The following RRP1B variants were observed in gnomAD, a reference collection of about 807,000 sequenced individuals.
RRP1B encodes the protein ribosomal RNA processing protein 1 homolog B.
Under a neutral mutation model 80.2 loss-of-function variants are expected in RRP1B, and 56 were observed. That is an observed-to-expected ratio of 0.70 (90% CI 0.56 to 0.87). The LOEUF is 0.87. Among genes scored for constraint, RRP1B ranks in the 40% least tolerant of loss-of-function variants. The pLI, the probability that RRP1B is intolerant of heterozygous loss-of-function variation, is 0.00. For synonymous variants in RRP1B, 351 were observed against 357.6 expected (o/e 0.98, Z 0.21); for missense variants, 807 against 939.8 (o/e 0.86, Z 1.85).
chr21:43,662,305 T>A (rs2082960856), intron 1 of RRP1B, among the ~76,000 whole-genome samples: 1 of 152,242 alleles, frequency 6.6e-6, no homozygotes, highest in African/African-American at 2.4e-5. Flanking sequence ...CAGAGTGACT[T>A]GTCTTGTATA....
intron 3 of RRP1B, 144 bp from the exon 4 acceptor site, chr21:43,673,726 A>T (rs965795605): frequency 4.6e-5 from 26 of 560,014 alleles, no homozygotes; most frequent in Non-Finnish European, 6.7e-5. Flanking sequence ...ATATTTAATT[A>T]TCAACAGATT....
chr21:43,660,221 A>C (rs546577104), intron 1 of RRP1B, among the ~76,000 whole-genome samples: 89 of 152,348 alleles, frequency 5.8e-4, no homozygotes, highest in Non-Finnish European at 1.1e-3. Context: ...GCAAGGAGGC[A>C]AACAGGCAAA....
Position 43,664,461 on chromosome 21 carries a change from G to A in RRP1B, c.130+4667G>A, listed in dbSNP as rs552208297. Among the ~76,000 whole-genome samples, 180 of 152,256 alleles carry A rather than the reference G, an allele frequency of 1.2e-3. 1 individual carries two copies. The highest frequency in any genetic ancestry group is 4.1e-3 in the African/African-American group (172 of 41,558). On this transcript the variant is annotated intron_variant, in intron 1 of 15. Coordinates refer to ENST00000340648, the MANE Select transcript of RRP1B (RefSeq NM_015056.3). Reference sequence around the variant, plus strand: ...GCTTTGTTCTTACAGTGTTTCACACGTCTTGGGCTTGACCCTAACAATAAA... The same window carrying A: ...GCTTTGTTCTTACAGTGTTTCACACATCTTGGGCTTGACCCTAACAATAAA...
At chr21:43,680,819 A>G (rs924121226) in intron 8 of RRP1B, among the ~76,000 whole-genome samples, 3 of 152,188 alleles carry the variant, frequency 2.0e-5, no homozygotes, top group Non-Finnish European at 4.4e-5. Flanking sequence ...TGCTGGGATT[A>G]AAGGCATGAG....
intron 10 of RRP1B, among the ~76,000 whole-genome samples, chr21:43,685,138 A>G (rs546495204): frequency 8.5e-5 from 13 of 152,304 alleles, no homozygotes; most frequent in African/African-American, 2.9e-4. Flanking sequence ...ATTGGTGACA[A>G]CAACTGTCTG....
In RRP1B at chr21:43,693,028, C is replaced by A. The variant is rs1043099806; in HGVS notation, c.2084-162C>A. The stretch of plus-strand genomic sequence containing the variant: ...GGATGTGGCCTCACTGCCCTCCTTT[C>A]CTCAGAAGGCTCTTGGGCCTGCTCT... On this transcript the variant is annotated intron_variant, in intron 15 of 15. Coordinates refer to ENST00000340648, the MANE Select transcript of RRP1B (RefSeq NM_015056.3). This position sits in a 1 kb window ranked among gnomAD's most constrained non-coding sequence, Gnocchi z 4.1. Among the ~76,000 whole-genome samples the A allele has an allele frequency of 2.6e-5, 4 of 152,194 alleles. No individual in the cohort carries two copies. Among genetic ancestry groups the A allele is most frequent in the Non-Finnish European group, 4.4e-5 (3 of 68,030 alleles).
In RRP1B at chr21:43,659,989, G is replaced by C. The variant is rs1198873615; in HGVS notation, c.130+195G>C. ...TTTACACTTAAGGAAACGGGTTGAG[G>C]GGGTTCCGTTACTTATGAAAGTCAC... On this transcript the variant is annotated intron_variant, in intron 1 of 15. Transcript: ENST00000340648. The surrounding 1 kb of genome is among the most constrained non-coding windows in gnomAD (Gnocchi z 4.2). Among the ~76,000 whole-genome samples the C allele has an allele frequency of 1.3e-5, 2 of 152,228 alleles. No individual in the cohort carries two copies. The highest frequency in any genetic ancestry group is 6.5e-5 in the Admixed American group (1 of 15,290).
chr21:43,677,552 A>AT (rs1397008430), intron 8 of RRP1B, among the ~76,000 whole-genome samples: 2 of 152,234 alleles, frequency 1.3e-5, no homozygotes, highest in Non-Finnish European at 2.9e-5. Context: ...ATACCCATTT[A>AT]AAAGCAAAGC....
In RRP1B at chr21:43,690,383, G is replaced by A. The variant is rs753653910; in HGVS notation, c.1962G>A (p.Leu654=). ...KFDTPFLPKP[L]FFRRAKSSTA... ...ACACCCCCTTCTTACCAAAGCCCCT[G>A]TTCTTCAGAAGAGCCAAGAGCAGCA... Residue 654 remains leucine, a synonymous_variant, in exon 14 of 16, where the codon CTG becomes CTA. Transcript: ENST00000340648. The A allele has an allele frequency of 2.5e-6, 4 of 1,614,090 alleles. No individual in the cohort carries two copies. Among genetic ancestry groups the A allele is most frequent in the Non-Finnish European group, 3.4e-6 (4 of 1,180,032 alleles).
chr21:43,668,070 G>A (rs921739910), intron 1 of RRP1B, among the ~76,000 whole-genome samples: 4 of 152,010 alleles, frequency 2.6e-5, no homozygotes, highest in African/African-American at 7.2e-5. Flanking sequence ...TTAGCCAGGC[G>A]TGGTGGCACG....
At chr21:43,689,057 G>GA (rs2083075870) in intron 13 of RRP1B, among the ~76,000 whole-genome samples, 1 of 152,258 alleles carries the variant, frequency 6.6e-6, no homozygotes, top group South Asian at 2.1e-4. Flanking sequence ...TTACAGGCGA[G>GA]AGCCCCCGCG....
In RRP1B at chr21:43,683,473, C is replaced by G. The variant is rs1389940159; in HGVS notation, c.891+100C>G. On this transcript the variant is annotated intron_variant, in intron 9 of 15. Coordinates refer to ENST00000340648, the MANE Select transcript of RRP1B (RefSeq NM_015056.3). ...GCTAGTTAAGCTATAAGGCCTGAAG[C>G]GTAAACTCCTTTTTAATCCCTTCAG... 6.3e-6 allele frequency: 5 copies of G among 799,774 alleles called. No individual in the cohort carries two copies. In the East Asian group the frequency reaches 8.0e-5, roughly 13 times the overall value. 49.5% of individuals were successfully genotyped at this position (799,774 alleles called of 1,614,324 possible).
Position 43,693,120 on chromosome 21 carries a change from G to C in RRP1B, c.2084-70G>C, listed in dbSNP as rs926577768. 2.0e-6 allele frequency: 3 copies of C among 1,531,300 alleles called. No homozygotes were observed. The highest frequency in any genetic ancestry group is 1.4e-5 in the African/African-American group (1 of 72,534). The allele number at this position is 1,531,300 out of a possible 1,614,324, so 94.9% of individuals were successfully genotyped here. On this transcript the variant is annotated intron_variant, in intron 15 of 15. Coordinates refer to ENST00000340648, the MANE Select transcript of RRP1B (RefSeq NM_015056.3). The surrounding 1 kb of genome is among the most constrained non-coding windows in gnomAD (Gnocchi z 4.1). ...GGTGGGGTCGGCACCCAGGCAGGAC[G>C]CTGTCTAAGGTGTTGAAGGGACAGC...
At chr21:43,669,407 G>A (rs775133633) in intron 1 of RRP1B, among the ~76,000 whole-genome samples, 2 of 152,204 alleles carry the variant, frequency 1.3e-5, no homozygotes, top group Non-Finnish European at 2.9e-5. Flanking sequence ...TGGAGCTCCT[G>A]TGTCCTCAGC....
Position 43,676,404 on chromosome 21 carries a change from G to A in RRP1B, c.614+68G>A. 5 of 1,236,304 alleles carry A rather than the reference G, an allele frequency of 4.0e-6. No individual in the cohort carries two copies. In the East Asian group the frequency reaches 1.2e-4, roughly 29 times the overall value. 76.6% of individuals were successfully genotyped at this position (1,236,304 alleles called of 1,614,324 possible). ...GCTCATGGGAGTTACTTGCCGTCGT[G>A]CAGCCTGGCACAGGGTACCCAGGAC... On this transcript the variant is annotated intron_variant, in intron 7 of 15. Coordinates refer to ENST00000340648, the MANE Select transcript of RRP1B (RefSeq NM_015056.3).
intron 9 of RRP1B, among the ~76,000 whole-genome samples, chr21:43,683,993 A>ACACC (rs1397094891): frequency 2.2e-5 from 3 of 137,482 alleles, no homozygotes; most frequent in Non-Finnish European, 4.7e-5. Context: ...AAAAAAAAGC[A>ACACC]CACCCAGGTA....
chr21:43,662,035 CCTT>C (rs2082959657), intron 1 of RRP1B, among the ~76,000 whole-genome samples: 1 of 152,258 alleles, frequency 6.6e-6, no homozygotes, highest in African/African-American at 2.4e-5. Flanking sequence ...AATGTGTCAT[CCTT>C]CTCCCGAAAC....
Position 43,676,345 on chromosome 21 carries a change from T to G in RRP1B, c.614+9T>G. ...GCTGCGAAGACGAAGGAGTAAGTGA[T>G]TCCCCTGTTCGTTCCTCCTGCTCCG... On this transcript the variant is annotated intron_variant, in intron 7 of 15. Transcript: ENST00000340648. 6.2e-7 allele frequency: 1 copy of G among 1,604,058 alleles called. No individual in the cohort carries two copies. The highest frequency in any genetic ancestry group is 1.1e-5 in the South Asian group (1 of 90,630).
chr21:43,690,085 G>A (rs562285301), intron 13 of RRP1B, among the ~76,000 whole-genome samples: 6 of 152,392 alleles, frequency 3.9e-5, no homozygotes, highest in South Asian at 2.1e-4. Flanking sequence ...TCTTGGCATG[G>A]TGCCATGATA....
Sources: allele counts gnomAD v4.1 joint callset (sites outside exome capture counted in the v4.1 genomes callset), GRCh38; gene constraint gnomAD v4.1.1; non-coding constraint Gnocchi (gnomAD v3.1); transcripts MANE v1.5; gene names NCBI Gene and HGNC (gene_info 2026-07-23, HGNC 2026-07-21).